The following CNTN5 variants were observed in gnomAD, a reference collection of about 807,000 sequenced individuals.
The protein encoded by CNTN5 is contactin-5.
CNTN5 carries 77 observed loss-of-function variants against 129.1 expected under a neutral mutation model. The ratio of observed to expected loss-of-function variants is 0.60; its 90% CI spans 0.50 to 0.72. CNTN5 has a LOEUF of 0.72. Among genes scored for constraint, CNTN5 ranks in the 30% least tolerant of loss-of-function variants. The probability of loss-of-function intolerance (pLI) is 0.00; values close to 1 mark genes in which losing one functional copy is unlikely to be tolerated. For synonymous variants in CNTN5, 509 were observed against 465.6 expected (o/e 1.09, Z -1.20); for missense variants, 1,478 against 1,328.8 (o/e 1.11, Z -1.75).
chr11:99,805,425 C>A (rs1411210837), intron 3 of CNTN5, among the ~76,000 whole-genome samples: 1 of 152,062 alleles, frequency 6.6e-6, no homozygotes, highest in Non-Finnish European at 1.5e-5. Flanking sequence ...TGTCTATAAA[C>A]CTTTGTTTAT....
intron 2 of CNTN5, among the ~76,000 whole-genome samples, chr11:99,517,119 G>A (rs1947085221): frequency 6.6e-6 from 1 of 151,976 alleles, no homozygotes; most frequent in Non-Finnish European, 1.5e-5. Flanking sequence ...CTATAGACAG[G>A]TTTTATCTCT....
intron 3 of CNTN5, among the ~76,000 whole-genome samples, chr11:99,805,247 T>C (rs1404267343): frequency 6.6e-6 from 1 of 152,014 alleles, no homozygotes; most frequent in Non-Finnish European, 1.5e-5. Context: ...ACTAGAGCAG[T>C]GCTAATGGGT....
At chr11:100,131,644 A>G (rs188475370) in intron 13 of CNTN5, among the ~76,000 whole-genome samples, 1 of 147,174 alleles carries the variant, frequency 6.8e-6, no homozygotes, top group African/African-American at 2.7e-5. Flanking sequence ...AAATGGAAAT[A>G]AAAAAAAGGC....
At chr11:99,836,033 TAG>T (rs1947290991) in intron 4 of CNTN5, among the ~76,000 whole-genome samples, 1 of 151,310 alleles carries the variant, frequency 6.6e-6, no homozygotes, top group African/African-American at 2.4e-5. Flanking sequence ...GGCTACTCCA[TAG>T]ACAGTCCAAA....
chr11:99,767,154 G>T (rs1193458301), intron 3 of CNTN5, among the ~76,000 whole-genome samples: 2 of 151,986 alleles, frequency 1.3e-5, no homozygotes, highest in African/African-American at 2.4e-5. Flanking sequence ...TATCTATCAT[G>T]TATCTGTTTA....
intron 1 of CNTN5, among the ~76,000 whole-genome samples, chr11:99,142,086 T>G (rs1469662722): frequency 1.3e-5 from 2 of 152,156 alleles, no homozygotes; most frequent in African/African-American, 4.8e-5. Flanking sequence ...GGGTGAAGGC[T>G]CAGTTCAGCA....
chr11:99,568,450 G>A (rs959425026), intron 3 of CNTN5, among the ~76,000 whole-genome samples: 1 of 152,158 alleles, frequency 6.6e-6, no homozygotes, highest in Non-Finnish European at 1.5e-5. Context: ...GGTAAGAATT[G>A]TTTTACTGCT....
chr11:99,757,131 T>C (rs898659104), intron 3 of CNTN5, among the ~76,000 whole-genome samples: 3 of 152,032 alleles, frequency 2.0e-5, no homozygotes, highest in Admixed American at 6.6e-5. Context: ...TAGGGCAAAA[T>C]GTGATCCATT....
intron 1 of CNTN5, among the ~76,000 whole-genome samples, chr11:99,095,721 T>C (rs980364432): frequency 3.3e-5 from 5 of 151,842 alleles, no homozygotes; most frequent in Admixed American, 3.3e-4. Context: ...GAGGGTGAAT[T>C]AACAAATGAA....
At chr11:99,557,595 C>G (rs1417031049) in intron 3 of CNTN5, among the ~76,000 whole-genome samples, 2 of 151,386 alleles carry the variant, frequency 1.3e-5, no homozygotes, top group Non-Finnish European at 3.0e-5. Context: ...TTTTTAGAAT[C>G]ATTTAAGCTA....
intron 21 of CNTN5, among the ~76,000 whole-genome samples, chr11:100,340,179 G>A (rs11223708): frequency 0.069 from 10,427 of 152,168 alleles, 516 homozygotes; most frequent in African/African-American, 0.14. Flanking sequence ...CTTCTTTAAT[G>A]TCAGGATGCA....
At chr11:99,690,890 G>T (rs1954013745) in intron 3 of CNTN5, among the ~76,000 whole-genome samples, 1 of 151,882 alleles carries the variant, frequency 6.6e-6, no homozygotes, top group Non-Finnish European at 1.5e-5. Context: ...GTCTGGTCTT[G>T]GGATTTTTTT....
At chr11:100,268,662 A>C (rs1029588086) in intron 17 of CNTN5, among the ~76,000 whole-genome samples, 2 of 152,210 alleles carry the variant, frequency 1.3e-5, no homozygotes, top group African/African-American at 2.4e-5. Context: ...ATCAAAGTCC[A>C]TCAAGAATGA....
At chr11:99,331,573 CT>C (rs1305355228) in intron 2 of CNTN5, among the ~76,000 whole-genome samples, 3 of 152,046 alleles carry the variant, frequency 2.0e-5, no homozygotes, top group Non-Finnish European at 4.4e-5. Context: ...GGTGCCTAGA[CT>C]TTTAATAACT....
chr11:99,111,686 T>C lies in CNTN5; in HGVS notation c.-210+90416T>C, dbSNP rs537721167. Among the ~76,000 whole-genome samples, 6 of 152,046 alleles carry C rather than the reference T, an allele frequency of 3.9e-5. No homozygotes were observed. In the South Asian group the frequency reaches 1.2e-3, roughly 32 times the overall value. On this transcript the variant is annotated intron_variant, in intron 1 of 24. Transcript: ENST00000524871. ...TATATATTTAATAAAATGTTTGCAC[T>C]GGAGTTTATAAAATTCACATGGAAA...
At chr11:99,507,932 TAACTC>T (rs1946687076) in intron 2 of CNTN5, among the ~76,000 whole-genome samples, 1 of 152,226 alleles carries the variant, frequency 6.6e-6, no homozygotes, top group Non-Finnish European at 1.5e-5. Flanking sequence ...TTATAAAACT[TAACTC>T]AAATGTGTTT....
chr11:99,259,700 T>C (rs1417970529), intron 1 of CNTN5, among the ~76,000 whole-genome samples: 3 of 151,732 alleles, frequency 2.0e-5, no homozygotes, highest in African/African-American at 7.2e-5. Flanking sequence ...CCTGTGGAAA[T>C]TGAAAGGAGG....
intron 21 of CNTN5, among the ~76,000 whole-genome samples, chr11:100,324,378 A>G (rs1951751142): frequency 6.6e-6 from 1 of 152,168 alleles, no homozygotes; most frequent in Non-Finnish European, 1.5e-5. Context: ...TAGCAATAGC[A>G]AGCAGTTTCA....
chr11:99,315,167 G>A (rs1016733716), intron 1 of CNTN5, among the ~76,000 whole-genome samples: 2 of 149,258 alleles, frequency 1.3e-5, no homozygotes, highest in Non-Finnish European at 1.5e-5. Context: ...GGTCTGGCTA[G>A]TAGTTCACTG....
Sources: gnomAD v4.1 joint callset for allele counts (sites outside exome capture counted in the v4.1 genomes callset) on GRCh38, gnomAD v4.1.1 for gene constraint, MANE v1.5 for transcripts, NCBI Gene and HGNC (gene_info 2026-07-23, HGNC 2026-07-21) for gene names.